Variants in RASGEF1B observed in about 807,000 individuals in gnomAD.
RASGEF1B encodes the protein RasGEF domain family member 1B, also known as ras-GEF domain-containing family member 1B.
A neutral mutation model predicts 65.7 loss-of-function variants in RASGEF1B; 30 were observed. That is an observed-to-expected ratio of 0.46 (90% CI 0.34 to 0.62). The LOEUF is 0.62. Among genes scored for constraint, RASGEF1B ranks in the 20% least tolerant of loss-of-function variants. RASGEF1B has a pLI of 0.01. For missense variants in RASGEF1B, 495 were observed against 580.1 expected, an observed-to-expected ratio of 0.85 and a Z score of 1.51; for synonymous variants, 175 against 194.8, an observed-to-expected ratio of 0.90 and a Z score of 0.85.
At chr4:81,436,129 G>A (rs1330662045) in intron 10 of RASGEF1B, among the ~76,000 whole-genome samples, 1 of 152,004 alleles carries the variant, frequency 6.6e-6, no homozygotes, top group Non-Finnish European at 1.5e-5. Flanking sequence ...GCTAGAAGCT[G>A]TACTGCTTAT....
At chr4:81,459,657 G>C in intron 1 of RASGEF1B, 143 bp from the exon 2 acceptor site, 1 of 658,570 alleles carries the variant, frequency 1.5e-6, no homozygotes, top group Non-Finnish European at 2.4e-6. Flanking sequence ...CACAGAATCA[G>C]AGCCCATCAG....
At chr4:81,455,514 T>C (rs540904058) in intron 4 of RASGEF1B, 8 of 152,232 alleles carry the variant, frequency 5.3e-5, no homozygotes, top group Non-Finnish European at 1.0e-4. Flanking sequence ...TTATTCATAA[T>C]GGAAAATGCA....
Position 81,457,595 on chromosome 4 carries a change from G to A in RASGEF1B, c.204C>T (p.Leu68=), listed in dbSNP as rs201973639. 1.0e-4 allele frequency: 169 copies of A among 1,613,872 alleles called. No homozygotes were observed. The highest frequency in any genetic ancestry group is 1.3e-4 in the Non-Finnish European group (153 of 1,179,956). Reference sequence around the variant, plus strand: ...ACGGATGCATAAATAACCGAGAACTGAGTAGGAAGGTAAATATGTATGTTC... The same window carrying A: ...ACGGATGCATAAATAACCGAGAACTAAGTAGGAAGGTAAATATGTATGTTC... ...PDRTYIFTFL[L]SSRLFMHPYE... The change falls in exon 3 of 14, where the codon CTC becomes CTT. Residue 68 remains leucine, a synonymous_variant. Coordinates refer to ENST00000264400, the MANE Select transcript of RASGEF1B (RefSeq NM_152545.3).
intron 8 of RASGEF1B, among the ~76,000 whole-genome samples, chr4:81,443,540 T>C (rs142376482): frequency 6.6e-6 from 1 of 152,250 alleles, no homozygotes; most frequent in African/African-American, 2.4e-5. Context: ...CTGTATCCAC[T>C]CTTGTGTCTG....
intron 8 of RASGEF1B, among the ~76,000 whole-genome samples, chr4:81,444,116 CT>C (rs373657902): frequency 6.6e-6 from 1 of 150,798 alleles, no homozygotes; most frequent in Non-Finnish European, 1.5e-5. Context: ...GTCTTTTGGC[CT>C]TTTTTTTTAC....
chr4:81,453,487 G>A (rs1451346331), intron 4 of RASGEF1B: 1 of 152,058 alleles, frequency 6.6e-6, no homozygotes, highest in Non-Finnish European at 1.5e-5. Context: ...ATAATGACAA[G>A]GAAAAAAAGT....
At chr4:81,460,730 A>T (rs1208404179) in intron 1 of RASGEF1B, among the ~76,000 whole-genome samples, 1 of 152,230 alleles carries the variant, frequency 6.6e-6, no homozygotes, top group Non-Finnish European at 1.5e-5. Flanking sequence ...CATAAAAGCC[A>T]ACCTGGCAGG....
chr4:81,459,320 A>T lies in RASGEF1B; in HGVS notation c.177+12T>A. On this transcript the variant is annotated intron_variant, in intron 2 of 13. Coordinates refer to ENST00000264400, the MANE Select transcript of RASGEF1B (RefSeq NM_152545.3). ...TGCCAAGGATGTGTTTCAGAGAAAC[A>T]TGAATACCTACATCTGGATAGTAAT... The T allele has an allele frequency of 6.4e-7, 1 of 1,562,446 alleles. No individual in the cohort carries two copies. The highest frequency in any genetic ancestry group is 8.6e-7 in the Non-Finnish European group (1 of 1,156,146).
At chr4:81,459,556 T>C (rs1007223915) in intron 1 of RASGEF1B, 42 bp from the exon 2 acceptor site, 4 of 1,431,220 alleles carry the variant, frequency 2.8e-6, no homozygotes, top group South Asian at 2.8e-5. Context: ...GTCAGCAATA[T>C]GCAGTATGAA....
chr4:81,463,478 T>C (rs1245081320), intron 1 of RASGEF1B, among the ~76,000 whole-genome samples: 1 of 152,220 alleles, frequency 6.6e-6, no homozygotes, highest in East Asian at 1.9e-4. Flanking sequence ...TATTTGCTTG[T>C]GTGTACTTTA....
intron 1 of RASGEF1B, among the ~76,000 whole-genome samples, chr4:81,466,770 A>AAAAAAAAGAAAGAAAG (rs748492254): frequency 1.1e-4 from 4 of 36,096 alleles, no homozygotes; most frequent in African/African-American, 2.8e-4. Context: ...AAAAAAAAAA[A>AAAAAAAAGAAAGAAAG]AAAGAAAGAA....
Position 81,442,316 on chromosome 4 carries a change from G to T in RASGEF1B, c.989C>A (p.Ala330Glu), listed in dbSNP as rs764180506. The T allele has an allele frequency of 6.2e-7, 1 of 1,611,592 alleles. No homozygotes were observed. The highest frequency in any genetic ancestry group is 1.7e-5 in the Admixed American group (1 of 60,016). Residue 330 changes from alanine to glutamate, a missense_variant, in exon 9 of 14, where the codon GCA becomes GAA. By Grantham distance (107) the Ala-to-Glu change is moderately radical. Transcript: ENST00000264400. ...LKKTWAKVKT[A>E]KFDILEHQMD... is the part of the protein sequence containing the mutation. ...ACATACCTCAAGAATGTCAAATTTT[G>T]CAGTCTTCACTTTGGCCCAAGTTTT...
In RASGEF1B at chr4:81,441,157, C is replaced by T. The variant is rs138220619; in HGVS notation, c.1009-228G>A. The stretch of plus-strand genomic sequence containing the variant: ...TGATGTCAGCTTCAATAATGTTAAA[C>T]CTAAACCGCATTCTTTCTAGGCTAA... On this transcript the variant is annotated intron_variant, in intron 9 of 13. Transcript: ENST00000264400. 5.9e-5 allele frequency among the ~76,000 whole-genome samples: 9 copies of T among 152,268 alleles called. No individual in the cohort carries two copies. In the East Asian group the frequency reaches 1.4e-3, roughly 23 times the overall value.
At chr4:81,461,025 TCTGCA>T (rs34139591) in intron 1 of RASGEF1B, among the ~76,000 whole-genome samples, 34,224 of 152,032 alleles carry the variant, frequency 0.23, 5,376 homozygotes, top group African/African-American at 0.45. Flanking sequence ...ACACAGATGG[TCTGCA>T]CACACCCTTA....
intron 9 of RASGEF1B, among the ~76,000 whole-genome samples, chr4:81,441,834 C>A (rs371465845): frequency 1.8e-4 from 28 of 152,246 alleles, no homozygotes; most frequent in African/African-American, 6.7e-4. Flanking sequence ...TGAGCCACTG[C>A]GCCTGGCCCA....
rs187691891 is a variant in RASGEF1B, at chr4:81,449,104, G to A, written c.439-820C>T. ...GGGGATTACAGGCATAAGCCACCGC[G>A]TCTGGCCTACCACCTTCTTGACTTA... On this transcript the variant is annotated intron_variant, in intron 4 of 13. Transcript: ENST00000264400. 4.2e-3 allele frequency among the ~76,000 whole-genome samples: 640 copies of A among 152,278 alleles called. 2 individuals are homozygous for A. The highest frequency in any genetic ancestry group is 0.012 in the South Asian group (59 of 4,820).
At chr4:81,434,542 C>A in intron 11 of RASGEF1B, 97 bp downstream of exon 11, 1 of 734,586 alleles carries the variant, frequency 1.4e-6, no homozygotes, top group Non-Finnish European at 2.5e-6. Context: ...TCTGAAACTG[C>A]AGAATTGGCT....
chr4:81,440,853 G>T lies in RASGEF1B; in HGVS notation c.1085C>A (p.Ala362Asp). 1.2e-6 allele frequency: 2 copies of T among 1,610,202 alleles called. No individual in the cohort carries two copies. The highest frequency in any genetic ancestry group is 1.7e-6 in the Non-Finnish European group (2 of 1,176,960). The change falls in exon 10 of 14, where the codon GCT becomes GAT. Residue 362 changes from alanine to aspartate, a missense_variant. Transcript: ENST00000264400. ...GCATACCTTTTCTCTACTACTATGA[G>T]CAGTTAAAGACCTTTGTGCTGCCCC... ...LRGAAQRSLT[A>D]HSSREKIVIP...
At chr4:81,458,745 G>A (rs185996052) in intron 2 of RASGEF1B, among the ~76,000 whole-genome samples, 377 of 152,168 alleles carry the variant, frequency 2.5e-3, no homozygotes, top group African/African-American at 8.4e-3. Flanking sequence ...ACTCTGAATC[G>A]TTTTCTCCTC....
Sources: allele counts gnomAD v4.1 joint callset (sites outside exome capture counted in the v4.1 genomes callset), GRCh38; gene constraint gnomAD v4.1.1; transcripts MANE v1.5; gene names NCBI Gene and HGNC (gene_info 2026-07-23, HGNC 2026-07-21).